The following NRXN1 variants were observed in gnomAD, a reference collection of about 807,000 sequenced individuals.
NRXN1 encodes neurexin-1.
Under a neutral mutation model 150.9 loss-of-function variants are expected in NRXN1, and 39 were observed. The ratio of observed to expected loss-of-function variants is 0.26; its 90% CI spans 0.20 to 0.34. NRXN1 has a LOEUF of 0.34. NRXN1 is among the 10% of genes least tolerant of loss of function. The probability of loss-of-function intolerance (pLI) is 1.00; values close to 1 mark genes in which losing one functional copy is unlikely to be tolerated. For synonymous variants in NRXN1, 924 were observed against 757.0 expected, an observed-to-expected ratio of 1.22 and a Z score of -3.62; for missense variants, 1,815 against 1,949.9, an observed-to-expected ratio of 0.93 and a Z score of 1.30.
intron 13 of NRXN1, among the ~76,000 whole-genome samples, chr2:50,504,274 T>C (rs1267425015): frequency 6.6e-6 from 1 of 151,966 alleles, no homozygotes; most frequent in Non-Finnish European, 1.5e-5. Flanking sequence ...GAAAAATAAA[T>C]TGTTATCTAT....
At chr2:50,929,104 T>C (rs1418638557) in intron 2 of NRXN1, among the ~76,000 whole-genome samples, 1 of 152,038 alleles carries the variant, frequency 6.6e-6, no homozygotes, top group Non-Finnish European at 1.5e-5. Context: ...TGTTTTAAAA[T>C]CACTGTAAAA....
At chr2:50,775,876 T>G (rs1257097406) in intron 5 of NRXN1, among the ~76,000 whole-genome samples, 3 of 152,128 alleles carry the variant, frequency 2.0e-5, no homozygotes, top group African/African-American at 7.2e-5. Flanking sequence ...TCTTTTCTGT[T>G]GGAATGAGAA....
chr2:50,872,017 A>G (rs1039580834), intron 5 of NRXN1, among the ~76,000 whole-genome samples: 9 of 151,846 alleles, frequency 5.9e-5, no homozygotes, highest in African/African-American at 2.2e-4. Context: ...ATATTTAGAG[A>G]AAGTGTAAGA....
At chr2:50,263,262 C>A (rs1030951537) in intron 17 of NRXN1, among the ~76,000 whole-genome samples, 1 of 151,564 alleles carries the variant, frequency 6.6e-6, no homozygotes, top group African/African-American at 2.4e-5. Context: ...ATAGGTGTTC[C>A]TTCTGTTATT....
chr2:50,418,010 G>A (rs187204628), intron 17 of NRXN1, among the ~76,000 whole-genome samples: 1 of 152,098 alleles, frequency 6.6e-6, no homozygotes, highest in African/African-American at 2.4e-5. Flanking sequence ...ATGACCAAAT[G>A]TGCATTTTAG....
intron 17 of NRXN1, among the ~76,000 whole-genome samples, chr2:50,435,212 C>A (rs1225329623): frequency 6.6e-6 from 1 of 152,180 alleles, no homozygotes; most frequent in Non-Finnish European, 1.5e-5. Context: ...AGTTCCACAT[C>A]TGCCACTCAC....
chr2:50,278,725 C>T lies in NRXN1; in HGVS notation c.3365-41755G>A, dbSNP rs190763490. On this transcript the variant is annotated intron_variant, in intron 17 of 22. Transcript: ENST00000401669. Reference sequence around the variant, plus strand: ...GAAAAGAACCCCTTTATGTCCAAAACGGTCCAGGATAGGCTGGAATTCAAT... The same window carrying T: ...GAAAAGAACCCCTTTATGTCCAAAATGGTCCAGGATAGGCTGGAATTCAAT... 4.1e-4 allele frequency among the ~76,000 whole-genome samples: 62 copies of T among 152,134 alleles called. 1 individual carries two copies. Among genetic ancestry groups the T allele is most frequent in the Middle Eastern group, 6.8e-3 (2 of 294 alleles).
At chr2:50,818,456 TA>T (rs1669246468) in intron 5 of NRXN1, among the ~76,000 whole-genome samples, 1 of 151,970 alleles carries the variant, frequency 6.6e-6, no homozygotes, top group Admixed American at 6.6e-5. Flanking sequence ...TTTAATTTTT[TA>T]TTTTTTTATT....
intron 17 of NRXN1, among the ~76,000 whole-genome samples, chr2:50,369,884 T>C (rs1039460167): frequency 5.3e-5 from 8 of 152,074 alleles, no homozygotes; most frequent in South Asian, 2.1e-4. Context: ...TACATCACCA[T>C]TGGGAGGAGA....
At chr2:50,861,803 A>AT (rs1559363823) in intron 5 of NRXN1, among the ~76,000 whole-genome samples, 2 of 152,074 alleles carry the variant, frequency 1.3e-5, no homozygotes, top group Non-Finnish European at 2.9e-5. Flanking sequence ...ATATAAATAG[A>AT]TTTTAAGTTT....
At chr2:50,677,842 GGA>G (rs1276417275) in intron 5 of NRXN1, among the ~76,000 whole-genome samples, 1 of 151,940 alleles carries the variant, frequency 6.6e-6, no homozygotes. Context: ...TCGTGCATGT[GGA>G]GAGAACCACA....
intron 5 of NRXN1, among the ~76,000 whole-genome samples, chr2:50,870,935 T>G (rs1186135346): frequency 6.6e-6 from 1 of 151,954 alleles, no homozygotes; most frequent in African/African-American, 2.4e-5. Flanking sequence ...TCAATATATT[T>G]CATTGAATAA....
At chr2:50,979,917 T>A (rs974326439) in intron 2 of NRXN1, among the ~76,000 whole-genome samples, 4 of 152,128 alleles carry the variant, frequency 2.6e-5, no homozygotes, top group East Asian at 1.9e-4. Context: ...AGTTGTCCCA[T>A]GATTAGAAGC....
chr2:50,935,042 T>C (rs1333006957), intron 2 of NRXN1, among the ~76,000 whole-genome samples: 1 of 152,152 alleles, frequency 6.6e-6, no homozygotes, highest in African/African-American at 2.4e-5. Context: ...GTATGCCCAA[T>C]TAGATCATTT....
intron 17 of NRXN1, among the ~76,000 whole-genome samples, chr2:50,256,823 G>A (rs2152905656): frequency 6.6e-6 from 1 of 152,148 alleles, no homozygotes; most frequent in South Asian, 2.1e-4. Context: ...GCATTCTCCT[G>A]CCCATTTCCC....
chr2:50,915,579 T>C (rs1260519486), intron 5 of NRXN1, among the ~76,000 whole-genome samples: 1 of 151,576 alleles, frequency 6.6e-6, no homozygotes. Flanking sequence ...TTTGTACAAA[T>C]GTTCTCTGTA....
At chr2:50,880,814 T>C (rs991421083) in intron 5 of NRXN1, among the ~76,000 whole-genome samples, 3 of 151,914 alleles carry the variant, frequency 2.0e-5, no homozygotes, top group African/African-American at 7.2e-5. Flanking sequence ...AGCAAGAGGA[T>C]AATTCACAAC....
intron 17 of NRXN1, among the ~76,000 whole-genome samples, chr2:50,423,726 A>G (rs1400028949): frequency 1.3e-5 from 2 of 152,120 alleles, no homozygotes; most frequent in Non-Finnish European, 1.5e-5. Flanking sequence ...GGAGAGACAC[A>G]TGATAAAGCA....
chr2:50,465,400 A>G (rs1422227082), intron 17 of NRXN1, 42 bp downstream of exon 17: 1 of 1,545,886 alleles, frequency 6.5e-7, no homozygotes, highest in South Asian at 1.2e-5. Flanking sequence ...CAGTAACTGG[A>G]AGCAACGATG....
Sources: gnomAD v4.1 joint callset for allele counts (sites outside exome capture counted in the v4.1 genomes callset) on GRCh38, gnomAD v4.1.1 for gene constraint, MANE v1.5 for transcripts, NCBI Gene and HGNC (gene_info 2026-07-23, HGNC 2026-07-21) for gene names.